The following PLD1 variants were observed in gnomAD, a reference collection of about 807,000 sequenced individuals.
PLD1 encodes choline phosphatase 1.
A neutral mutation model predicts 137.1 loss-of-function variants in PLD1; 112 were observed. That is an observed-to-expected ratio of 0.82 (90% CI 0.70 to 0.96). PLD1 has a LOEUF of 0.96. Among genes scored for constraint, PLD1 ranks in the 40% least tolerant of loss-of-function variants. PLD1 has a pLI of 0.00. For missense variants in PLD1, 1,321 were observed against 1,342.0 expected, an observed-to-expected ratio of 0.98 and a Z score of 0.24; for synonymous variants, 431 against 454.7, an observed-to-expected ratio of 0.95 and a Z score of 0.66.
chr3:171,677,656 C>T lies in PLD1; in HGVS notation c.1906G>A (p.Glu636Lys), dbSNP rs1033128407. 5.0e-6 allele frequency: 8 copies of T among 1,613,854 alleles called. No individual in the cohort carries two copies. Among genetic ancestry groups the T allele is most frequent in the Non-Finnish European group, 6.8e-6 (8 of 1,179,868 alleles). Residue 636 changes from glutamate to lysine, a missense_variant, in exon 17 of 27, where the codon GAG becomes AAG. Coordinates refer to ENST00000351298, the MANE Select transcript of PLD1 (RefSeq NM_002662.5). ...CAGAATCTGGTTTCCCCATGCAGCT[C>T]TCCCACACCTGTCTGTAAACTACGG... is the stretch of plus-strand genomic sequence containing the variant. ...SIRSLQTGVGELHGETRFWHG... is the reference protein window; with the variant it reads ...SIRSLQTGVGKLHGETRFWHG...
chr3:171,678,588 T>C (rs1713627558), intron 16 of PLD1, among the ~76,000 whole-genome samples: 1 of 152,212 alleles, frequency 6.6e-6, no homozygotes, highest in Admixed American at 6.5e-5. Context: ...AATGCAAAAA[T>C]ATGTGTTGAA....
chr3:171,764,858 A>AGGAAGGAAGGAAGGAAG (rs1491272100), intron 1 of PLD1, among the ~76,000 whole-genome samples: 1 of 21,076 alleles, frequency 4.7e-5, no homozygotes, highest in African/African-American at 2.1e-4. Context: ...AAAGAAAGAA[A>AGGAAGGAAGGAAGGAAG]GAAAGAAAGA....
intron 1 of PLD1, among the ~76,000 whole-genome samples, chr3:171,759,601 ACCT>A (rs1373254343): frequency 6.6e-6 from 1 of 152,176 alleles, no homozygotes; most frequent in Non-Finnish European, 1.5e-5. Context: ...AGAAAAGGGA[ACCT>A]TCTAGTTTCC....
intron 5 of PLD1, among the ~76,000 whole-genome samples, chr3:171,733,807 A>C (rs572191074): frequency 6.6e-6 from 1 of 152,158 alleles, no homozygotes; most frequent in East Asian, 1.9e-4. Flanking sequence ...AGGACTTGCT[A>C]TAAGTTGTTT....
At chr3:171,772,530 G>A (rs891562772) in intron 1 of PLD1, among the ~76,000 whole-genome samples, 1 of 152,160 alleles carries the variant, frequency 6.6e-6, no homozygotes, top group African/African-American at 2.4e-5. Context: ...GGGCTCAAGA[G>A]GATCTCATGG....
chr3:171,744,019 T>C (rs1037692306), intron 1 of PLD1, among the ~76,000 whole-genome samples: 1 of 152,216 alleles, frequency 6.6e-6, no homozygotes, highest in Non-Finnish European at 1.5e-5. Flanking sequence ...AGAAGCCTTC[T>C]GGTTGAAAAG....
Position 171,688,686 on chromosome 3 carries a change from C to T in PLD1, c.1529G>A (p.Gly510Asp). The T allele has an allele frequency of 1.2e-6, 2 of 1,613,046 alleles. No homozygotes were observed. The highest frequency in any genetic ancestry group is 2.2e-5 in the East Asian group (1 of 44,880). Residue 510 changes from glycine (G) to aspartate (D), a missense_variant, in exon 14 of 27, where the codon GGT (glycine) becomes GAT (aspartate). Gly to Asp is a moderately conservative substitution (Grantham distance 94). Transcript: ENST00000351298. Reference sequence around the variant, plus strand: ...GTTAAATATACTTACTGGGAGGGAACCCAGAGACGGTCCTGAAGTGACCCG... The same window carrying T: ...GTTAAATATACTTACTGGGAGGGAATCCAGAGACGGTCCTGAAGTGACCCG... Reference protein sequence around the residue: ...VKRVTSGPSLGSLPPAAMESM... With the variant: ...VKRVTSGPSLDSLPPAAMESM...
chr3:171,773,731 A>G (rs1722488997), intron 1 of PLD1, among the ~76,000 whole-genome samples: 1 of 151,004 alleles, frequency 6.6e-6, no homozygotes, highest in African/African-American at 2.5e-5. Context: ...TTACCACTCT[A>G]TTATTATACC....
chr3:171,764,878 A>AGGAAGGAAGGAAGGAAGGAAGG (rs1491270656), intron 1 of PLD1, among the ~76,000 whole-genome samples: 1 of 21,238 alleles, frequency 4.7e-5, no homozygotes, highest in African/African-American at 1.9e-4. Flanking sequence ...AAAGAAAGAA[A>AGGAAGGAAGGAAGGAAGGAAGG]GAAAGAAAGA....
Position 171,612,570 on chromosome 3 carries a change from G to T in PLD1, c.2729-138C>A. 2 of 741,856 alleles carry T rather than the reference G, an allele frequency of 2.7e-6. No individual in the cohort carries two copies. The highest frequency in any genetic ancestry group is 4.5e-6 in the Non-Finnish European group (2 of 440,044). 46.0% of individuals were successfully genotyped at this position (741,856 alleles called of 1,614,324 possible). A position where few individuals can be genotyped will look rare whatever the true frequency, so the allele number is the denominator to read the frequency against. On this transcript the variant is annotated intron_variant, in intron 24 of 26. Transcript: ENST00000351298. This position sits in a 1 kb window ranked among gnomAD's most constrained non-coding sequence, Gnocchi z 4.1. ...TCAAGGGAAGATGTGTTTTTAGGGAGGTGGGGCCCTCCCTAACCCAGGGGT... is the reference window on the plus strand; with the variant it reads ...TCAAGGGAAGATGTGTTTTTAGGGATGTGGGGCCCTCCCTAACCCAGGGGT...
chr3:171,702,917 A>G (rs917305431), intron 11 of PLD1, among the ~76,000 whole-genome samples: 3 of 152,166 alleles, frequency 2.0e-5, no homozygotes, highest in African/African-American at 7.2e-5. Context: ...AATAAAGACA[A>G]TGCAAGAAAA....
chr3:171,722,185 G>T (rs1718176603), intron 8 of PLD1, among the ~76,000 whole-genome samples: 1 of 152,150 alleles, frequency 6.6e-6, no homozygotes, highest in Admixed American at 6.5e-5. Flanking sequence ...ATACAGATAA[G>T]AATCAGATGA....
At chr3:171,760,605 C>G (rs1486263488) in intron 1 of PLD1, among the ~76,000 whole-genome samples, 1 of 152,190 alleles carries the variant, frequency 6.6e-6, no homozygotes, top group African/African-American at 2.4e-5. Flanking sequence ...GGAAGCACAG[C>G]AAAGTCTGGG....
Position 171,603,072 on chromosome 3 carries a change from T to C in PLD1, c.*6A>G, listed in dbSNP as rs771011289. ...TGGAAGTCTTTGAGCTGCCAATGAA[T>C]ATCTCTTAAGTCCAAACCTCCATGG... On this transcript the variant is annotated 3_prime_UTR_variant, in exon 27 of 27. Coordinates refer to ENST00000351298, the MANE Select transcript of PLD1 (RefSeq NM_002662.5). The C allele has an allele frequency of 6.2e-7, 1 of 1,601,900 alleles. No homozygotes were observed.
intron 23 of PLD1, among the ~76,000 whole-genome samples, chr3:171,627,740 C>A (rs1265899880): frequency 2.0e-5 from 3 of 152,184 alleles, no homozygotes. Context: ...GGAAACTGAA[C>A]AACCTGCTCC....
intron 18 of PLD1, among the ~76,000 whole-genome samples, chr3:171,675,053 T>G (rs951399674): frequency 6.6e-6 from 1 of 151,862 alleles, no homozygotes; most frequent in Non-Finnish European, 1.5e-5. Flanking sequence ...AAGAAAAATG[T>G]TAATGGTGGA....
chr3:171,620,624 TAGA>T, intron 23 of PLD1, 104 bp from the exon 24 acceptor site: 1 of 545,494 alleles, frequency 1.8e-6, no homozygotes, highest in Non-Finnish European at 3.2e-6. Context: ...CTGTTCAGAA[TAGA>T]TTGTATATTA....
At chr3:171,615,017 G>T (rs1732984721) in intron 24 of PLD1, among the ~76,000 whole-genome samples, 1 of 152,178 alleles carries the variant, frequency 6.6e-6, no homozygotes, top group Non-Finnish European at 1.5e-5. Flanking sequence ...AAGTGTGTTG[G>T]CTGCTATTTA....
chr3:171,675,923 A>G (rs535830301), intron 18 of PLD1, among the ~76,000 whole-genome samples: 1 of 151,416 alleles, frequency 6.6e-6, no homozygotes, highest in Non-Finnish European at 1.5e-5. Flanking sequence ...GCTCACTGCA[A>G]ACTCCGCCTC....
Sources: gnomAD v4.1 joint callset for allele counts (sites outside exome capture counted in the v4.1 genomes callset) on GRCh38, gnomAD v4.1.1 for gene constraint, Gnocchi (gnomAD v3.1) non-coding constraint, MANE v1.5 for transcripts, NCBI Gene and HGNC (gene_info 2026-07-23, HGNC 2026-07-21) for gene names.